The following CAPZB variants were observed in gnomAD, a reference collection of about 807,000 sequenced individuals.
CAPZB encodes the protein F-actin-capping protein subunit beta.
Under a neutral mutation model 38.1 loss-of-function variants are expected in CAPZB, and 2 were observed. The ratio of observed to expected loss-of-function variants is 0.05; its 90% CI spans 0.02 to 0.17. The LOEUF is 0.17. Among genes scored for constraint, CAPZB ranks in the 10% least tolerant of loss-of-function variants. The pLI is 1.00. For synonymous variants in CAPZB, 107 were observed against 127.4 expected, an observed-to-expected ratio of 0.84 and a Z score of 1.08; for missense variants, 161 against 334.2, an observed-to-expected ratio of 0.48 and a Z score of 4.04.
At chr1:19,350,092 A>G (rs573891092) in intron 6 of CAPZB, among the ~76,000 whole-genome samples, 1 of 152,242 alleles carries the variant, frequency 6.6e-6, no homozygotes, top group South Asian at 2.1e-4. Flanking sequence ...CCTCCTCCCC[A>G]TGGCCCTAAC....
At chr1:19,383,011 G>A (rs920535625) in intron 3 of CAPZB, among the ~76,000 whole-genome samples, 19 of 151,712 alleles carry the variant, frequency 1.3e-4, no homozygotes, top group African/African-American at 4.6e-4. Flanking sequence ...GGGCAATGTG[G>A]CTCACACCTG....
In CAPZB at chr1:19,452,519, T is replaced by C. The variant is rs570135138; in HGVS notation, c.4-32769A>G. On this transcript the variant is annotated intron_variant, in intron 1 of 8. Coordinates refer to ENST00000264202, the MANE Select transcript of CAPZB (RefSeq NM_004930.5). ...AGGGTCTGAGTTGTGGGCTGAGCTA[T>C]CCTGGTGCCAAGGCAGGCCTTCCAC... 1.2e-4 allele frequency among the ~76,000 whole-genome samples: 18 copies of C among 152,330 alleles called. No homozygotes were observed. In the South Asian group the frequency reaches 3.5e-3, roughly 30 times the overall value.
intron 6 of CAPZB, among the ~76,000 whole-genome samples, chr1:19,345,667 G>C (rs2093956708): frequency 6.6e-6 from 1 of 152,248 alleles, no homozygotes; most frequent in Admixed American, 6.5e-5. Flanking sequence ...GACACTGCAG[G>C]GGAAGCTTCT....
intron 1 of CAPZB, among the ~76,000 whole-genome samples, chr1:19,472,856 TAC>T (rs1475457226): frequency 8.6e-5 from 13 of 151,580 alleles, no homozygotes; most frequent in Middle Eastern, 3.2e-3. Context: ...TAGCTAGGAC[TAC>T]AGGCGCCCGC....
intron 1 of CAPZB, among the ~76,000 whole-genome samples, chr1:19,456,584 T>C (rs2094533785): frequency 6.6e-6 from 1 of 152,030 alleles, no homozygotes; most frequent in Non-Finnish European, 1.5e-5. Context: ...CCATGCACGA[T>C]TCCCCCGTAC....
intron 6 of CAPZB, among the ~76,000 whole-genome samples, chr1:19,346,003 G>A (rs892421527): frequency 7.2e-5 from 11 of 152,198 alleles, no homozygotes; most frequent in Admixed American, 3.3e-4. Flanking sequence ...ATCTCAACTC[G>A]GAGGAGGGAG....
intron 1 of CAPZB, among the ~76,000 whole-genome samples, chr1:19,435,073 C>T (rs1425829569): frequency 6.9e-6 from 1 of 145,350 alleles, no homozygotes; most frequent in African/African-American, 2.5e-5. Flanking sequence ...AGTTAACATT[C>T]CCTAAAGGCA....
At chr1:19,440,209 T>G (rs1397116015) in intron 1 of CAPZB, among the ~76,000 whole-genome samples, 1 of 152,186 alleles carries the variant, frequency 6.6e-6, no homozygotes, top group East Asian at 1.9e-4. Context: ...GGTTAATTTT[T>G]GTACTTTTTG....
chr1:19,451,411 C>T (rs1276291979), intron 1 of CAPZB, among the ~76,000 whole-genome samples: 1 of 152,160 alleles, frequency 6.6e-6, no homozygotes, highest in Non-Finnish European at 1.5e-5. Flanking sequence ...TGGACAATCC[C>T]GAAATTGGCA....
chr1:19,365,654 A>G (rs1197397046), intron 4 of CAPZB, among the ~76,000 whole-genome samples: 2 of 151,952 alleles, frequency 1.3e-5, no homozygotes, highest in African/African-American at 4.8e-5. Context: ...CACATGGAGA[A>G]GCCCCGTCTC....
At chr1:19,362,865 A>T (rs184399156) in intron 4 of CAPZB, among the ~76,000 whole-genome samples, 14 of 152,250 alleles carry the variant, frequency 9.2e-5, no homozygotes, top group African/African-American at 3.4e-4. Context: ...AGAGAAGTCA[A>T]CTTGGACAAG....
intron 1 of CAPZB, among the ~76,000 whole-genome samples, chr1:19,422,960 G>C (rs1001221606): frequency 6.6e-6 from 1 of 152,206 alleles, no homozygotes; most frequent in South Asian, 2.1e-4. Context: ...GTTGACCAGA[G>C]AAGCTCAAGG....
At chr1:19,451,742 CTCTAA>C (rs71655554) in intron 1 of CAPZB, among the ~76,000 whole-genome samples, 38,843 of 151,426 alleles carry the variant, frequency 0.26, 5,023 homozygotes, top group Non-Finnish European at 0.27. Flanking sequence ...ATAATGTGTC[CTCTAA>C]TCTATTTATT....
chr1:19,426,428 C>T (rs2094422779), intron 1 of CAPZB, among the ~76,000 whole-genome samples: 2 of 151,510 alleles, frequency 1.3e-5, no homozygotes, highest in Admixed American at 1.3e-4. Flanking sequence ...GACACTCCTC[C>T]CACTTGTGGT....
intron 2 of CAPZB, among the ~76,000 whole-genome samples, chr1:19,391,460 G>A (rs890461974): frequency 6.9e-6 from 1 of 145,026 alleles, no homozygotes; most frequent in Non-Finnish European, 1.6e-5. Flanking sequence ...GCGTACTTGG[G>A]TGCACTCAGA....
rs1440148271 is a variant in CAPZB, at chr1:19,393,100, A to T, written c.94-7474T>A. Among the ~76,000 whole-genome samples the T allele has an allele frequency of 3.3e-5, 5 of 152,140 alleles. 1 individual carries two copies. Among genetic ancestry groups the T allele is most frequent in the Non-Finnish European group, 7.4e-5 (5 of 68,016 alleles). On this transcript the variant is annotated intron_variant, in intron 2 of 8. Transcript: ENST00000264202. ...CCCCAAGGGCAGCTTCGTTACAGGG[A>T]CCCCAGTTTGTCATTAGGAACACTG...
chr1:19,456,702 T>C (rs1221859299), intron 1 of CAPZB, among the ~76,000 whole-genome samples: 2 of 152,220 alleles, frequency 1.3e-5, no homozygotes, highest in African/African-American at 2.4e-5. Flanking sequence ...TCACTGGGGC[T>C]GCCCATGGAG....
intron 1 of CAPZB, among the ~76,000 whole-genome samples, chr1:19,454,557 TCA>T (rs2094527123): frequency 6.6e-6 from 1 of 152,106 alleles, no homozygotes; most frequent in African/African-American, 2.4e-5. Flanking sequence ...ACCCTCTGAG[TCA>T]CACACGATCA....
intron 6 of CAPZB, among the ~76,000 whole-genome samples, chr1:19,350,363 G>T (rs989578182): frequency 6.6e-6 from 1 of 152,268 alleles, no homozygotes; most frequent in Non-Finnish European, 1.5e-5. Flanking sequence ...GGACTTGCCA[G>T]AATGGCAGCT....
Sources: allele counts gnomAD v4.1 joint callset (sites outside exome capture counted in the v4.1 genomes callset), GRCh38; gene constraint gnomAD v4.1.1; transcripts MANE v1.5; gene names NCBI Gene and HGNC (gene_info 2026-07-23, HGNC 2026-07-21).